The following JMJD1C variants were observed in gnomAD, a reference collection of about 807,000 sequenced individuals.
The protein encoded by JMJD1C is jumonji domain-containing protein 1C.
In JMJD1C, 31 loss-of-function variants were observed where a neutral mutation model predicts 245.3. The observed-to-expected ratio is 0.13, with a 90% CI of 0.09 to 0.17. JMJD1C has a LOEUF of 0.17. Ranked by LOEUF, JMJD1C falls within the 10% of genes least tolerant of loss-of-function variation. The pLI is 1.00. For synonymous variants in JMJD1C, 1,057 were observed against 1,017.4 expected (o/e 1.04, Z -0.74); for missense variants, 2,691 against 3,000.2 (o/e 0.90, Z 2.41).
At chr10:63,474,882 T>C (rs1044841703) in intron 1 of JMJD1C, among the ~76,000 whole-genome samples, 3 of 151,476 alleles carry the variant, frequency 2.0e-5, no homozygotes, top group African/African-American at 7.3e-5. Flanking sequence ...TGAGTAATAA[T>C]GTAATACGGA....
rs543389319 is a variant in JMJD1C at position 63,230,780 on chromosome 10, A to C, written c.448-10797T>G. Reference sequence around the variant, plus strand: ...ACAGAGTGAGACTGTCCCCCCCCCCAAAAAAAATAAATAAAAAATAAAATT... The same window carrying C: ...ACAGAGTGAGACTGTCCCCCCCCCCCAAAAAAATAAATAAAAAATAAAATT... On this transcript the variant is annotated intron_variant, in intron 3 of 25. Transcript: ENST00000399262. 3.2e-4 allele frequency among the ~76,000 whole-genome samples: 45 copies of C among 138,866 alleles called. No homozygotes were observed. In the South Asian group the frequency reaches 4.0e-3, roughly 12 times the overall value. 91.1% of individuals were successfully genotyped at this position (138,866 alleles called of 152,430 possible).
At chr10:63,342,129 C>T (rs1310883518) in intron 2 of JMJD1C, among the ~76,000 whole-genome samples, 3 of 152,176 alleles carry the variant, frequency 2.0e-5, no homozygotes, top group African/African-American at 7.2e-5. Flanking sequence ...AAGTAGATAA[C>T]GAAGACGACT....
At chr10:63,427,317 C>T in intron 1 of JMJD1C, 2 of 963,314 alleles carry the variant, frequency 2.1e-6, no homozygotes, top group South Asian at 1.4e-5. Flanking sequence ...ATTTCCTGGG[C>T]CAGGGCGTGC....
intron 2 of JMJD1C, among the ~76,000 whole-genome samples, chr10:63,296,171 G>GTAAAAATA (rs1351228687): frequency 0.021 from 3,244 of 151,638 alleles, 116 homozygotes; most frequent in African/African-American, 0.073. Flanking sequence ...ACCACGCCCA[G>GTAAAAATA]CTAATTTTTT....
At chr10:63,485,065 A>T (rs892965980) in intron 1 of JMJD1C, among the ~76,000 whole-genome samples, 1 of 151,726 alleles carries the variant, frequency 6.6e-6, no homozygotes, top group Non-Finnish European at 1.5e-5. Flanking sequence ...TAACAACACT[A>T]GCCTCATAAA....
chr10:63,279,993 T>C (rs1857214636), intron 2 of JMJD1C, among the ~76,000 whole-genome samples: 1 of 150,926 alleles, frequency 6.6e-6, no homozygotes, highest in South Asian at 2.1e-4. Flanking sequence ...CTACTAAAAA[T>C]ACAAAAACTA....
At chr10:63,225,732 T>G (rs1293731975) in intron 3 of JMJD1C, among the ~76,000 whole-genome samples, 1 of 148,764 alleles carries the variant, frequency 6.7e-6, no homozygotes, top group Non-Finnish European at 1.5e-5. Context: ...TGAGCTGAGA[T>G]GGCGCCATTG....
At chr10:63,307,805 C>A (rs1046540209) in intron 2 of JMJD1C, among the ~76,000 whole-genome samples, 2 of 152,052 alleles carry the variant, frequency 1.3e-5, no homozygotes, top group African/African-American at 4.8e-5. Context: ...GGTCTCAATA[C>A]AGAGAAAACC....
At chr10:63,304,820 T>C (rs146790527) in intron 2 of JMJD1C, among the ~76,000 whole-genome samples, 94 of 152,080 alleles carry the variant, frequency 6.2e-4, no homozygotes, top group African/African-American at 2.2e-3. Flanking sequence ...ACACAGCAAA[T>C]TGGTAAATAG....
chr10:63,178,694 C>T (rs909979308), intron 22 of JMJD1C, among the ~76,000 whole-genome samples: 9 of 152,092 alleles, frequency 5.9e-5, no homozygotes, highest in Admixed American at 5.2e-4. Flanking sequence ...AAATGTTTCA[C>T]GAACAAAGTT....
chr10:63,386,128 T>C (rs1947570454), intron 1 of JMJD1C, among the ~76,000 whole-genome samples: 1 of 151,924 alleles, frequency 6.6e-6, no homozygotes, highest in Non-Finnish European at 1.5e-5. Flanking sequence ...AAGAGTAAGT[T>C]ATCTCCCAAA....
intron 3 of JMJD1C, among the ~76,000 whole-genome samples, chr10:63,259,584 T>C (rs1002494410): frequency 2.0e-5 from 3 of 152,166 alleles, no homozygotes; most frequent in African/African-American, 7.2e-5. Flanking sequence ...GAAAGAAATA[T>C]GGGTTAAAAT....
At chr10:63,439,024 A>G (rs926419788) in intron 1 of JMJD1C, among the ~76,000 whole-genome samples, 1 of 152,192 alleles carries the variant, frequency 6.6e-6, no homozygotes, top group Non-Finnish European at 1.5e-5. Context: ...AGTGCCTGAT[A>G]TGTACAAGGC....
intron 1 of JMJD1C, among the ~76,000 whole-genome samples, chr10:63,453,757 G>C (rs537607512): frequency 2.0e-5 from 3 of 152,026 alleles, no homozygotes; most frequent in Admixed American, 6.5e-5. Context: ...GTTTTGTTTT[G>C]AGATAGAGTC....
At chr10:63,465,412 C>T (rs2133121069) in intron 1 of JMJD1C, 83 bp downstream of exon 1, 6 of 1,354,584 alleles carry the variant, frequency 4.4e-6, no homozygotes, top group Non-Finnish European at 6.0e-6. Context: ...CTGAGCGAGG[C>T]GCCAGAGGGA....
Position 63,243,526 on chromosome 10 carries a change from C to CA in JMJD1C, c.447+21124dup, listed in dbSNP as rs918502182. Among the ~76,000 whole-genome samples the CA allele has an allele frequency of 7.3e-4, 110 of 151,674 alleles. 1 individual carries two copies. Among genetic ancestry groups the CA allele is most frequent in the African/African-American group, 2.2e-3 (92 of 41,200 alleles). On this transcript the variant is annotated intron_variant, in intron 3 of 25. Transcript: ENST00000399262. Reference sequence around the variant, plus strand: ...GGGCAAGAAGAGCAAAATTCTGTCTCAAAAAAAATTTTTTTTCACTAATTT... The same window carrying CA: ...GGGCAAGAAGAGCAAAATTCTGTCTCAAAAAAAAATTTTTTTTCACTAATTT...
intron 1 of JMJD1C, among the ~76,000 whole-genome samples, chr10:63,419,391 A>AC (rs200711715): frequency 2.6e-5 from 4 of 151,070 alleles, no homozygotes; most frequent in Admixed American, 6.6e-5. Flanking sequence ...TGTCTCGAAA[A>AC]AAAATATATA....
At chr10:63,433,564 A>G (rs1950893641) in intron 1 of JMJD1C, among the ~76,000 whole-genome samples, 1 of 148,380 alleles carries the variant, frequency 6.7e-6, no homozygotes, top group African/African-American at 2.4e-5. Flanking sequence ...GCAAGAAACA[A>G]TGTACTCTTT....
intron 2 of JMJD1C, among the ~76,000 whole-genome samples, chr10:63,293,916 T>C (rs895770988): frequency 3.6e-4 from 55 of 152,198 alleles, no homozygotes; most frequent in African/African-American, 1.3e-3. Flanking sequence ...ATTATCTATA[T>C]GCAGTAAACT....
Sources: gnomAD v4.1 joint callset for allele counts (sites outside exome capture counted in the v4.1 genomes callset) on GRCh38, gnomAD v4.1.1 for gene constraint, MANE v1.5 for transcripts, NCBI Gene and HGNC (gene_info 2026-07-23, HGNC 2026-07-21) for gene names.